Variants in CEP128 observed in about 807,000 individuals in gnomAD.
CEP128 encodes the protein centrosomal protein 128kDa.
A neutral mutation model predicts 156.7 loss-of-function variants in CEP128; 132 were observed. The ratio of observed to expected loss-of-function variants is 0.84; its 90% confidence interval spans 0.73 to 0.97. The LOEUF (loss-of-function observed/expected upper bound fraction) is 0.97, where lower values mean the gene tolerates loss of function less well. CEP128 is among the 50% of genes least tolerant of loss of function. The pLI, the probability that CEP128 is intolerant of heterozygous loss-of-function variation, is 0.00. For synonymous variants in CEP128, 469 were observed against 448.9 expected (o/e 1.04, Z -0.57); for missense variants, 1,252 against 1,281.9 (o/e 0.98, Z 0.36).
intron 20 of CEP128, among the ~76,000 whole-genome samples, chr14:80,577,968 C>T (rs983328957): frequency 6.6e-6 from 1 of 152,148 alleles, no homozygotes; most frequent in Non-Finnish European, 1.5e-5. Flanking sequence ...CCAACATTGG[C>T]TTTCTTTGGG....
At chr14:80,770,236 C>T (rs1246350961) in intron 16 of CEP128, among the ~76,000 whole-genome samples, 2 of 152,162 alleles carry the variant, frequency 1.3e-5, no homozygotes, top group African/African-American at 4.8e-5. Context: ...TAAAATCAAC[C>T]TCTTTGATTG....
intron 3 of CEP128, among the ~76,000 whole-genome samples, chr14:80,916,063 G>A (rs1437003061): frequency 5.3e-5 from 8 of 152,198 alleles, no homozygotes; most frequent in Admixed American, 4.6e-4. Context: ...CATAGGATGT[G>A]AGAAGGGCTT....
intron 24 of CEP128, among the ~76,000 whole-genome samples, chr14:80,499,238 G>A (rs543706695): frequency 4.6e-5 from 7 of 152,234 alleles, no homozygotes; most frequent in South Asian, 2.1e-4. Context: ...ACAGTTAGCC[G>A]GGTAGACCTT....
intron 19 of CEP128, among the ~76,000 whole-genome samples, chr14:80,673,350 T>C (rs1340487823): frequency 3.3e-5 from 5 of 152,108 alleles, no homozygotes; most frequent in Non-Finnish European, 5.9e-5. Flanking sequence ...ATTTTTAAAA[T>C]GCACTAAAGC....
chr14:80,763,346 C>G (rs1900064415), intron 16 of CEP128, among the ~76,000 whole-genome samples: 2 of 152,142 alleles, frequency 1.3e-5, no homozygotes, highest in Admixed American at 1.3e-4. Context: ...ATTAATACAT[C>G]ATTTCTTTAG....
At chr14:80,876,938 T>G (rs1457682209) in intron 8 of CEP128, among the ~76,000 whole-genome samples, 2 of 152,174 alleles carry the variant, frequency 1.3e-5, no homozygotes, top group African/African-American at 4.8e-5. Context: ...ACAGTAAATC[T>G]AAGGGTAAAC....
At chr14:80,901,146 C>CA (rs1284867723) in intron 6 of CEP128, among the ~76,000 whole-genome samples, 2 of 151,548 alleles carry the variant, frequency 1.3e-5, no homozygotes, top group Admixed American at 6.6e-5. Flanking sequence ...GCGGAGCTTG[C>CA]AGTGAGCCGA....
intron 21 of CEP128, among the ~76,000 whole-genome samples, chr14:80,543,852 A>G (rs1254893678): frequency 1.3e-5 from 2 of 152,194 alleles, no homozygotes; most frequent in East Asian, 1.9e-4. Context: ...TTCATTTTAC[A>G]TATTCAACTA....
At chr14:80,566,217 G>C (rs1890902401) in intron 20 of CEP128, among the ~76,000 whole-genome samples, 1 of 152,094 alleles carries the variant, frequency 6.6e-6, no homozygotes, top group African/African-American at 2.4e-5. Flanking sequence ...AGTCAACTCT[G>C]TTTAATCCAC....
chr14:80,777,173 T>C (rs1179489050), intron 16 of CEP128, among the ~76,000 whole-genome samples: 1 of 152,208 alleles, frequency 6.6e-6, no homozygotes, highest in Non-Finnish European at 1.5e-5. Flanking sequence ...CAAAAATTCA[T>C]AGTTGAAACT....
At chr14:80,585,669 T>C (rs894450003) in intron 19 of CEP128, among the ~76,000 whole-genome samples, 2 of 152,188 alleles carry the variant, frequency 1.3e-5, no homozygotes, top group African/African-American at 2.4e-5. Context: ...AGTTACTGAT[T>C]GCAGTTTAGA....
At chr14:80,568,857 G>A (rs1891026584) in intron 20 of CEP128, among the ~76,000 whole-genome samples, 1 of 152,096 alleles carries the variant, frequency 6.6e-6, no homozygotes, top group Admixed American at 6.5e-5. Flanking sequence ...AAGCATACAT[G>A]AAGGCTGACT....
chr14:80,877,854 CCA>C (rs2139297321), intron 8 of CEP128, among the ~76,000 whole-genome samples: 1 of 152,256 alleles, frequency 6.6e-6, no homozygotes, highest in Admixed American at 6.5e-5. Flanking sequence ...ACAACAGTTG[CCA>C]CAGACAAGAC....
chr14:80,774,654 T>TAC (rs1162260411), intron 16 of CEP128, among the ~76,000 whole-genome samples: 1 of 152,122 alleles, frequency 6.6e-6, no homozygotes, highest in African/African-American at 2.4e-5. Flanking sequence ...TGTGTGTGTA[T>TAC]ACACACATAC....
At chr14:80,666,668 C>T (rs113072466) in intron 19 of CEP128, among the ~76,000 whole-genome samples, 3 of 141,254 alleles carry the variant, frequency 2.1e-5, no homozygotes, top group African/African-American at 7.9e-5. Flanking sequence ...AGGGATATTG[C>T]AATGAACAAA....
chr14:80,609,665 A>C (rs1201921139), intron 19 of CEP128, among the ~76,000 whole-genome samples: 1 of 152,148 alleles, frequency 6.6e-6, no homozygotes, highest in African/African-American at 2.4e-5. Context: ...TTACCAGTAC[A>C]CCCTAACCAA....
chr14:80,686,831 A>G (rs768222187), intron 19 of CEP128, among the ~76,000 whole-genome samples: 2 of 152,198 alleles, frequency 1.3e-5, no homozygotes, highest in Non-Finnish European at 2.9e-5. Context: ...ACAAAGATTT[A>G]AAAAGACAAA....
chr14:80,510,394 CT>C (rs560478767), intron 23 of CEP128, among the ~76,000 whole-genome samples: 3 of 151,804 alleles, frequency 2.0e-5, no homozygotes, highest in African/African-American at 4.8e-5. Context: ...AATAGGATTC[CT>C]TTTTTTGATT....
chr14:80,762,949 A>G (rs1362296048), intron 16 of CEP128, among the ~76,000 whole-genome samples: 1 of 152,136 alleles, frequency 6.6e-6, no homozygotes, highest in East Asian at 1.9e-4. Context: ...CTCACAAGAG[A>G]TTAATGTGTA....
Sources: gnomAD v4.1 joint callset for allele counts (sites outside exome capture counted in the v4.1 genomes callset) on GRCh38, gnomAD v4.1.1 for gene constraint, MANE v1.5 for transcripts, NCBI Gene and HGNC (gene_info 2026-07-23, HGNC 2026-07-21) for gene names.